The following CNTN3 variants were observed in gnomAD, a reference collection of about 807,000 sequenced individuals.
CNTN3 encodes contactin 3, also known as contactin-3.
CNTN3 carries 60 observed loss-of-function variants against 119.1 expected under a neutral mutation model. That is an observed-to-expected ratio of 0.50 (90% CI 0.41 to 0.62). The LOEUF (loss-of-function observed/expected upper bound fraction) is 0.62. Ranked by LOEUF, CNTN3 falls within the 20% of genes least tolerant of loss-of-function variation. CNTN3 has a pLI of 0.00. For missense variants in CNTN3, 1,101 were observed against 1,242.4 expected, an observed-to-expected ratio of 0.89 and a Z score of 1.71; for synonymous variants, 450 against 438.7, an observed-to-expected ratio of 1.03 and a Z score of -0.32.
intron 4 of CNTN3, among the ~76,000 whole-genome samples, chr3:74,450,929 T>G (rs1702141745): frequency 6.6e-6 from 1 of 152,172 alleles, no homozygotes; most frequent in African/African-American, 2.4e-5. Flanking sequence ...GACATTTGGG[T>G]TGGTTCCAAG....
chr3:74,301,912 T>C, intron 14 of CNTN3, 107 bp from the exon 15 acceptor site: 1 of 1,272,100 alleles, frequency 7.9e-7, no homozygotes, highest in South Asian at 1.4e-5. Context: ...CTCTGACTTT[T>C]CCCAATTTCA....
At chr3:74,427,641 C>T (rs920339143) in intron 4 of CNTN3, among the ~76,000 whole-genome samples, 3 of 152,090 alleles carry the variant, frequency 2.0e-5, no homozygotes, top group Admixed American at 2.0e-4. Flanking sequence ...CAGCTATCAT[C>T]ATATTTAATG....
intron 2 of CNTN3, among the ~76,000 whole-genome samples, chr3:74,518,018 T>C (rs1035051082): frequency 6.6e-6 from 1 of 151,996 alleles, no homozygotes; most frequent in Non-Finnish European, 1.5e-5. Context: ...GAGCACTTTA[T>C]TTGCAGGAGT....
chr3:74,569,951 C>G (rs2106647934), intron 1 of CNTN3, among the ~76,000 whole-genome samples: 1 of 152,254 alleles, frequency 6.6e-6, no homozygotes, highest in African/African-American at 2.4e-5. Flanking sequence ...ATAGGATGCA[C>G]TTGGGAGTGT....
chr3:74,281,893 T>C (rs1310041455), intron 20 of CNTN3, among the ~76,000 whole-genome samples: 1 of 152,222 alleles, frequency 6.6e-6, no homozygotes, highest in Non-Finnish European at 1.5e-5. Context: ...GTTGTTTGAG[T>C]GTCTGGATCC....
chr3:74,325,405 C>T (rs1265893323), intron 13 of CNTN3, among the ~76,000 whole-genome samples: 2 of 152,040 alleles, frequency 1.3e-5, no homozygotes, highest in Non-Finnish European at 2.9e-5. Flanking sequence ...CCTCAGTATC[C>T]AAATTCCTAA....
chr3:74,494,951 C>T (rs1703033966), intron 3 of CNTN3, among the ~76,000 whole-genome samples: 1 of 152,066 alleles, frequency 6.6e-6, no homozygotes, highest in African/African-American at 2.4e-5. Context: ...GTCAAGAACG[C>T]TTCCTAGGAG....
chr3:74,396,792 G>C (rs904356326), intron 5 of CNTN3, among the ~76,000 whole-genome samples: 1 of 148,428 alleles, frequency 6.7e-6, no homozygotes, highest in Non-Finnish European at 1.5e-5. Context: ...GGGAGCTGTA[G>C]AAGAGAAGTT....
At chr3:74,574,457 AT>A (rs1704382536) in intron 1 of CNTN3, among the ~76,000 whole-genome samples, 1 of 152,162 alleles carries the variant, frequency 6.6e-6, no homozygotes, top group African/African-American at 2.4e-5. Flanking sequence ...GGCTTAGAAC[AT>A]TTTATCAAAA....
chr3:74,379,110 TC>T (rs1704549941), intron 5 of CNTN3, among the ~76,000 whole-genome samples: 1 of 152,198 alleles, frequency 6.6e-6, no homozygotes, highest in Non-Finnish European at 1.5e-5. Context: ...GGTACTAGCA[TC>T]TTTCACCACA....
intron 4 of CNTN3, among the ~76,000 whole-genome samples, chr3:74,439,202 G>T (rs1296055918): frequency 6.6e-6 from 1 of 152,160 alleles, no homozygotes; most frequent in Non-Finnish European, 1.5e-5. Context: ...AAGGATCAAT[G>T]ATGACTTCAA....
intron 1 of CNTN3, among the ~76,000 whole-genome samples, chr3:74,585,972 A>C (rs1260756176): frequency 6.6e-6 from 1 of 152,126 alleles, no homozygotes; most frequent in African/African-American, 2.4e-5. Flanking sequence ...TCCTTGTTAA[A>C]ATTACCATGT....
intron 1 of CNTN3, among the ~76,000 whole-genome samples, chr3:74,540,420 T>C (rs776812914): frequency 1.3e-5 from 2 of 152,150 alleles, no homozygotes; most frequent in Non-Finnish European, 2.9e-5. Flanking sequence ...ACTTAGAATA[T>C]GTCTTCTTTG....
chr3:74,566,738 T>C (rs1338330826), intron 1 of CNTN3, among the ~76,000 whole-genome samples: 1 of 152,120 alleles, frequency 6.6e-6, no homozygotes, highest in African/African-American at 2.4e-5. Context: ...CAATCACAGG[T>C]ACAGGGCATT....
intron 3 of CNTN3, among the ~76,000 whole-genome samples, chr3:74,495,074 A>T: frequency 6.6e-6 from 1 of 152,018 alleles, no homozygotes; most frequent in Non-Finnish European, 1.5e-5. Flanking sequence ...TCATTCCACC[A>T]TGTGGCTATT....
intron 1 of CNTN3, among the ~76,000 whole-genome samples, chr3:74,563,083 TC>T (rs1704176844): frequency 6.6e-6 from 1 of 152,282 alleles, no homozygotes; most frequent in Admixed American, 6.5e-5. Context: ...CTGTTCCTTT[TC>T]TGGAGGAATG....
intron 3 of CNTN3, among the ~76,000 whole-genome samples, chr3:74,495,751 T>C (rs1452377231): frequency 2.0e-5 from 3 of 152,092 alleles, no homozygotes; most frequent in African/African-American, 7.2e-5. Flanking sequence ...GACTCCATTA[T>C]AGACAACCAT....
intron 5 of CNTN3, among the ~76,000 whole-genome samples, chr3:74,396,582 T>TAAA (rs36117399): frequency 0.4 from 60,031 of 150,954 alleles, 12,485 homozygotes; most frequent in East Asian, 0.64. Context: ...CCATCTCTAC[T>TAAA]AAAAATACAA....
rs536427755 is a variant in CNTN3 at position 74,273,061 on chromosome 3, T to A, written c.2705-5683A>T. 1.1e-4 allele frequency among the ~76,000 whole-genome samples: 17 copies of A among 152,274 alleles called. No homozygotes were observed. In the South Asian group the frequency reaches 3.3e-3, roughly 30 times the overall value. ...AATGGCAAAATAGGTGGATCACATA[T>A]GAAATTTGGAAAACTTTGCAATAAT... On this transcript the variant is annotated intron_variant, in intron 20 of 22. Coordinates refer to ENST00000263665, the MANE Select transcript of CNTN3 (RefSeq NM_020872.3).
Sources: gnomAD v4.1 joint callset for allele counts (sites outside exome capture counted in the v4.1 genomes callset) on GRCh38, gnomAD v4.1.1 for gene constraint, MANE v1.5 for transcripts, NCBI Gene and HGNC (gene_info 2026-07-23, HGNC 2026-07-21) for gene names.